Variants in MYH11 observed in about 807,000 individuals in gnomAD.
The protein encoded by MYH11 is myosin-11.
Under a neutral mutation model 246.6 loss-of-function variants are expected in MYH11, and 80 were observed. The observed-to-expected ratio is 0.32, with a 90% CI of 0.27 to 0.39. The LOEUF is 0.39. MYH11 is among the 10% of genes least tolerant of loss of function. The pLI, the probability that MYH11 is intolerant of heterozygous loss-of-function variation, is 1.00. For synonymous variants in MYH11, 1,071 were observed against 1,015.5 expected (o/e 1.05, Z -1.04); for missense variants, 2,158 against 2,546.8 (o/e 0.85, Z 3.29).
At chr16:15,724,497 A>G (rs958520830) in intron 30 of MYH11, 88 bp from the exon 31 acceptor site, 11 of 1,608,638 alleles carry the variant, frequency 6.8e-6, no homozygotes, top group Non-Finnish European at 9.3e-6. Context: ...AGCGAAGACC[A>G]TGTCTCCTCG....
At chr16:15,737,109 G>T (rs2041140449) in intron 25 of MYH11, among the ~76,000 whole-genome samples, 1 of 152,170 alleles carries the variant, frequency 6.6e-6, no homozygotes, top group Non-Finnish European at 1.5e-5. Flanking sequence ...GGGTGTTTGA[G>T]ATGACGGTGG....
intron 7 of MYH11, among the ~76,000 whole-genome samples, chr16:15,776,409 A>G (rs143908011): frequency 6.6e-6 from 1 of 152,278 alleles, no homozygotes; most frequent in East Asian, 1.9e-4. Context: ...AAAAAGCATA[A>G]AAAGGCTCCA....
chr16:15,847,389 C>G (rs1174259526), intron 1 of MYH11, among the ~76,000 whole-genome samples: 1 of 151,868 alleles, frequency 6.6e-6, no homozygotes, highest in African/African-American at 2.4e-5. Flanking sequence ...TAGTTGGGAC[C>G]ACAGGCACCT....
At chr16:15,782,648 G>A (rs1445893896) in intron 5 of MYH11, 171 bp from the exon 6 acceptor site, 1 of 629,620 alleles carries the variant, frequency 1.6e-6, no homozygotes, top group Non-Finnish European at 2.9e-6. Flanking sequence ...GATTTCAGAA[G>A]AGAAGCAACT....
Position 15,740,188 on chromosome 16 carries a change from C to A in MYH11, c.2860G>T (p.Asp954Tyr). 1 of 1,614,154 alleles carries A rather than the reference C, an allele frequency of 6.2e-7. No homozygotes were observed. The highest frequency in any genetic ancestry group is 8.5e-7 in the Non-Finnish European group (1 of 1,180,018). ...TCCTCCTCCAGCTGTTCTTCAAGGT[C>A]CTTTGTTGTGGAGGGAAAAGAGTAA... ...ERKKMAQQML[D>Y]LEEQLEEEEA... The change falls in exon 23 of 41, where the codon GAC becomes TAC. Residue 954 changes from aspartate (D) to tyrosine (Y), a missense_variant and splice_region_variant. Physicochemically the swap from Asp to Tyr is radical, Grantham distance 160 (BLOSUM62 -3). Around this residue, in one of 11 missense-constraint regions of MYH11, gnomAD observed 284 missense variants for 315.4 expected, o/e 0.90. Transcript: ENST00000300036.
intron 3 of MYH11, among the ~76,000 whole-genome samples, chr16:15,820,285 G>C (rs2151355409): frequency 6.6e-6 from 1 of 152,080 alleles, no homozygotes; most frequent in African/African-American, 2.4e-5. Flanking sequence ...GACCATCCTG[G>C]GTAACATGGT....
intron 3 of MYH11, among the ~76,000 whole-genome samples, chr16:15,816,687 C>T (rs925451064): frequency 1.3e-5 from 2 of 151,554 alleles, no homozygotes; most frequent in African/African-American, 2.4e-5. Flanking sequence ...AGCTAAATTT[C>T]ATCTTTCATG....
At chr16:15,753,598 A>G (rs992483594) in intron 14 of MYH11, 90 bp from the exon 15 acceptor site, 7 of 960,090 alleles carry the variant, frequency 7.3e-6, no homozygotes, top group African/African-American at 1.6e-5. Context: ...TTGTCCTTCC[A>G]GATCTTCTGA....
intron 3 of MYH11, among the ~76,000 whole-genome samples, chr16:15,802,035 C>G (rs2042899512): frequency 6.6e-6 from 1 of 152,174 alleles, no homozygotes; most frequent in South Asian, 2.1e-4. Context: ...GGAAGACCTA[C>G]TTTCACCCAT....
intron 23 of MYH11, 23 bp downstream of exon 23, chr16:15,740,028 C>T (rs1345481071): frequency 1.2e-6 from 2 of 1,613,162 alleles, no homozygotes; most frequent in Admixed American, 3.3e-5. Context: ...AGGCGTGAGC[C>T]ACTGCACCCG....
At chr16:15,720,086 TTC>T in intron 34 of MYH11, 63 bp downstream of exon 34, 1 of 1,609,088 alleles carries the variant, frequency 6.2e-7, no homozygotes, top group African/African-American at 1.3e-5. Flanking sequence ...CTCTGCTGAC[TTC>T]GGTGGCCTGA....
At chr16:15,763,741 T>TGGGGGGCC in intron 10 of MYH11, 55 bp downstream of exon 10, 8 of 646,844 alleles carry the variant, frequency 1.2e-5, no homozygotes, top group East Asian at 3.2e-5. Context: ...AAATGTCACC[T>TGGGGGGCC]CCCCCACCCC....
intron 9 of MYH11, among the ~76,000 whole-genome samples, chr16:15,770,919 G>T (rs1007412511): frequency 6.6e-6 from 1 of 152,068 alleles, no homozygotes; most frequent in African/African-American, 2.4e-5. Flanking sequence ...AGTCGAGAGA[G>T]ATAGAAGACA....
intron 1 of MYH11, among the ~76,000 whole-genome samples, chr16:15,845,635 G>A (rs73508177): frequency 0.015 from 2,266 of 152,178 alleles, 49 homozygotes; most frequent in African/African-American, 0.051. Context: ...TAGGAAATGC[G>A]GCAAAATATT....
intron 2 of MYH11, among the ~76,000 whole-genome samples, chr16:15,833,770 C>G (rs1413085791): frequency 6.6e-6 from 1 of 152,160 alleles, no homozygotes; most frequent in African/African-American, 2.4e-5. Flanking sequence ...CCTGGTATCA[C>G]CTCACTACCC....
intron 16 of MYH11, among the ~76,000 whole-genome samples, chr16:15,748,807 T>C (rs1188723340): frequency 1.3e-5 from 2 of 152,148 alleles, no homozygotes; most frequent in East Asian, 3.9e-4. Flanking sequence ...TTTGTAGATA[T>C]AGGGTCTTGC....
chr16:15,758,986 A>G (rs1403274479), intron 12 of MYH11, among the ~76,000 whole-genome samples: 1 of 150,684 alleles, frequency 6.6e-6, no homozygotes, highest in African/African-American at 2.4e-5. Context: ...ACAAGACAAG[A>G]CAAAAAAAAA....
chr16:15,710,944 C>G (rs1375444882), intron 40 of MYH11, among the ~76,000 whole-genome samples: 2 of 152,198 alleles, frequency 1.3e-5, no homozygotes, highest in Admixed American at 6.5e-5. Context: ...TCCCAAAGTG[C>G]TGGGATTACA....
intron 2 of MYH11, among the ~76,000 whole-genome samples, chr16:15,829,776 G>A (rs2043679496): frequency 6.6e-6 from 1 of 152,134 alleles, no homozygotes; most frequent in Non-Finnish European, 1.5e-5. Context: ...GTGCTCCCGG[G>A]GCCTGCAGCA....
Sources: allele counts gnomAD v4.1 joint callset (sites outside exome capture counted in the v4.1 genomes callset), GRCh38; gene constraint gnomAD v4.1.1; regional missense constraint gnomAD v4.1.1; transcripts MANE v1.5; gene names NCBI Gene and HGNC (gene_info 2026-07-23, HGNC 2026-07-21).